C4orf51: variants seen among roughly 807,000 people sequenced by gnomAD.
C4orf51 encodes the protein chromosome 4 open reading frame 51.
C4orf51 carries 25 observed loss-of-function variants against 25.2 expected under a neutral mutation model. The ratio of observed to expected loss-of-function variants is 0.99; its 90% confidence interval spans 0.72 to 1.39. The LOEUF (loss-of-function observed/expected upper bound fraction) is 1.39, where lower values mean the gene tolerates loss of function less well. Ranked by LOEUF, C4orf51 falls within the 40% of genes most tolerant of loss-of-function variation. The pLI is 0.00. For synonymous variants in C4orf51, 100 were observed against 84.5 expected (o/e 1.18, Z -1.01); for missense variants, 252 against 239.6 (o/e 1.05, Z -0.34).
intron 2 of C4orf51, among the ~76,000 whole-genome samples, chr4:145,699,466 G>C (rs112678547): frequency 0.21 from 32,368 of 151,510 alleles, 3,585 homozygotes; most frequent in East Asian, 0.32. Context: ...CTCACTATCC[G>C]TCAACCTCTT....
chr4:145,714,963 C>A (rs1452621887), intron 2 of C4orf51, among the ~76,000 whole-genome samples: 1 of 152,202 alleles, frequency 6.6e-6, no homozygotes, highest in East Asian at 1.9e-4. Context: ...TGCCGAGAGG[C>A]TCTTGTTTGT....
At chr4:145,771,914 A>C (rs531320210), downstream of C4orf51, among the ~76,000 whole-genome samples, 89 of 152,350 alleles carry the variant, frequency 5.8e-4, no homozygotes, top group African/African-American at 1.8e-3. Flanking sequence ...AAATTAGAGA[A>C]TCTTAGGCCT....
chr4:145,765,223 G>C lies in C4orf51; in HGVS notation n.167-5765G>C. Reference sequence around the variant, plus strand: ...CAGGGCAGCGGGGAGAGGAGGGCAGGAGTGGAGCCAAGCTCCTCCCCACTT... The same window carrying C: ...CAGGGCAGCGGGGAGAGGAGGGCAGCAGTGGAGCCAAGCTCCTCCCCACTT... On this transcript the variant is annotated intron_variant and non_coding_transcript_variant, in intron 1 of 1. Transcript: ENST00000510096. This position sits in a 1 kb window ranked among gnomAD's most constrained non-coding sequence, Gnocchi z 4.7. 3 of 1,507,264 alleles carry C rather than the reference G, an allele frequency of 2.0e-6. No individual in the cohort carries two copies. In the South Asian group the frequency reaches 4.0e-5, roughly 20 times the overall value. 93.4% of individuals were successfully genotyped at this position (1,507,264 alleles called of 1,614,324 possible).
chr4:145,684,615 T>C (rs1340147259), intron 1 of C4orf51, among the ~76,000 whole-genome samples: 2 of 152,198 alleles, frequency 1.3e-5, no homozygotes, highest in Non-Finnish European at 2.9e-5. Context: ...TGATAATTGA[T>C]GTGTCTGTGT....
chr4:145,760,820 G>A (rs1436878120), intron 1 of C4orf51: 4 of 1,196,934 alleles, frequency 3.3e-6, no homozygotes, highest in Non-Finnish European at 4.2e-6. Flanking sequence ...AGATAGGCCA[G>A]GAAGGAGTGT....
At chr4:145,719,870 C>T (rs762204193) in intron 2 of C4orf51, among the ~76,000 whole-genome samples, 3 of 151,984 alleles carry the variant, frequency 2.0e-5, no homozygotes, top group Non-Finnish European at 2.9e-5. Context: ...ATGTGATTTG[C>T]GGGGAGAAGA....
chr4:145,721,063 A>T (rs1159000914), intron 2 of C4orf51, among the ~76,000 whole-genome samples: 1 of 152,150 alleles, frequency 6.6e-6, no homozygotes, highest in Admixed American at 6.5e-5. Context: ...AAGAAAAAAG[A>T]TGGCCAGGTG....
chr4:145,711,402 G>A (rs1731119759), intron 2 of C4orf51, among the ~76,000 whole-genome samples: 1 of 152,150 alleles, frequency 6.6e-6, no homozygotes, highest in Admixed American at 6.5e-5. Context: ...GGTTGAATCT[G>A]TTTGGGAATT....
At chr4:145,696,009 G>A (rs538885267) in intron 1 of C4orf51, among the ~76,000 whole-genome samples, 2 of 152,216 alleles carry the variant, frequency 1.3e-5, no homozygotes, top group Non-Finnish European at 2.9e-5. Context: ...AGGCGCAGTG[G>A]CTCATGCCTG....
chr4:145,777,788 T>C, the C4orf51 span, among the ~76,000 whole-genome samples: 1 of 152,178 alleles, frequency 6.6e-6, no homozygotes, highest in African/African-American at 2.4e-5. Flanking sequence ...CTAATTAAAA[T>C]GTTTACCTCT....
chr4:145,692,965 T>G (rs1367201368), intron 1 of C4orf51, among the ~76,000 whole-genome samples: 8 of 42,864 alleles, frequency 1.9e-4, no homozygotes, highest in African/African-American at 1.0e-3. Context: ...TTTTTTTTTT[T>G]TTTTTTTTTT....
intron 2 of C4orf51, among the ~76,000 whole-genome samples, chr4:145,725,754 A>G (rs555721914): frequency 6.6e-6 from 1 of 152,260 alleles, no homozygotes; most frequent in South Asian, 2.1e-4. Context: ...AAAGTAGATG[A>G]GTGGTTTTCT....
intron 2 of C4orf51, among the ~76,000 whole-genome samples, chr4:145,724,524 AC>A (rs779527154): frequency 3.0e-4 from 46 of 152,142 alleles, no homozygotes; most frequent in Non-Finnish European, 6.2e-4. Context: ...CAAGCAAGAC[AC>A]CCTTTCAGCA....
At chr4:145,702,868 T>C (rs573336832) in intron 2 of C4orf51, among the ~76,000 whole-genome samples, 119 of 150,006 alleles carry the variant, frequency 7.9e-4, no homozygotes, top group African/African-American at 2.7e-3. Flanking sequence ...TATCACCCCT[T>C]ACCACAAGAC....
chr4:145,691,298 T>C (rs1560821851), intron 1 of C4orf51, among the ~76,000 whole-genome samples: 1 of 151,984 alleles, frequency 6.6e-6, no homozygotes, highest in Non-Finnish European at 1.5e-5. Context: ...AAATAACAGA[T>C]ATTGATGAGG....
intron 2 of C4orf51, among the ~76,000 whole-genome samples, chr4:145,716,471 T>G (rs1262099039): frequency 6.6e-6 from 1 of 152,186 alleles, no homozygotes; most frequent in African/African-American, 2.4e-5. Context: ...AACTGCACAC[T>G]ATGGAAGGGA....
chr4:145,680,379 AGTCCAT>A lies in C4orf51; in HGVS notation c.179_184del (p.Ser60_Met61del). On this transcript the variant is annotated inframe_deletion, in exon 1 of 6. Transcript: ENST00000438731. ...AGTTACCGGAAAAAACAACTGGACA[AGTCCAT>A]GTGCAGCCAATTTTCTTTTAGAGCA... 1 of 1,614,008 alleles carries A rather than the reference AGTCCAT, an allele frequency of 6.2e-7. No homozygotes were observed. Among genetic ancestry groups the A allele is most frequent in the Non-Finnish European group, 8.5e-7 (1 of 1,179,868 alleles).
chr4:145,700,275 C>T (rs577690348), intron 2 of C4orf51, among the ~76,000 whole-genome samples: 24 of 152,024 alleles, frequency 1.6e-4, no homozygotes, highest in African/African-American at 4.6e-4. Flanking sequence ...CCCTTATTTC[C>T]GTGCCCTGAC....
chr4:145,729,545 C>G (rs1299388666), intron 4 of C4orf51, among the ~76,000 whole-genome samples: 1 of 152,136 alleles, frequency 6.6e-6, no homozygotes, highest in African/African-American at 2.4e-5. Context: ...TTGTGATCCT[C>G]CCTCCTTGGC....
Sources: gnomAD v4.1 joint callset for allele counts (sites outside exome capture counted in the v4.1 genomes callset) on GRCh38, gnomAD v4.1.1 for gene constraint, Gnocchi (gnomAD v3.1) non-coding constraint, MANE v1.5 for transcripts, NCBI Gene and HGNC (gene_info 2026-07-23, HGNC 2026-07-21) for gene names.